Variants in SV2B observed in about 807,000 individuals in gnomAD.
SV2B encodes the protein solute carrier family 22 member B2.
In SV2B, 41 loss-of-function variants were observed where a neutral mutation model predicts 73.9. The ratio of observed to expected loss-of-function variants is 0.56; its 90% CI spans 0.43 to 0.72. The LOEUF is 0.72. Among genes scored for constraint, SV2B ranks in the 30% least tolerant of loss-of-function variants. The probability of loss-of-function intolerance (pLI) is 0.00; values close to 1 mark genes in which losing one functional copy is unlikely to be tolerated. For synonymous variants in SV2B, 314 were observed against 314.2 expected (o/e 1.00, Z 0.01); for missense variants, 764 against 857.8 (o/e 0.89, Z 1.37).
Position 91,236,761 on chromosome 15 carries a change from T to G in SV2B, c.451+10047T>G, listed in dbSNP as rs1049203204. Among the ~76,000 whole-genome samples the G allele has an allele frequency of 2.0e-5, 3 of 152,078 alleles. No individual in the cohort carries two copies. Among genetic ancestry groups the G allele is most frequent in the Non-Finnish European group, 1.5e-5 (1 of 68,026 alleles). On this transcript the variant is annotated intron_variant, in intron 2 of 12. Coordinates refer to ENST00000394232, the MANE Select transcript of SV2B (RefSeq NM_001323032.3). The surrounding 1 kb of genome is among the most constrained non-coding windows in gnomAD (Gnocchi z 4.1). ...GGCAGACACCTGGCCCCTATTCCAC[T>G]TGACATTACCTGGGGCAGCTGGAAG... is the stretch of plus-strand genomic sequence containing the variant.
chr15:91,116,619 T>C (rs953687589), intron 1 of SV2B, among the ~76,000 whole-genome samples: 1 of 152,208 alleles, frequency 6.6e-6, no homozygotes, highest in African/African-American at 2.4e-5. Context: ...GAAGCCTGTC[T>C]TATCCTCTTT....
chr15:91,276,734 G>T (rs1471901696), intron 9 of SV2B, among the ~76,000 whole-genome samples: 3 of 150,826 alleles, frequency 2.0e-5, no homozygotes, highest in Non-Finnish European at 4.4e-5. Flanking sequence ...TTCCTTTAAG[G>T]CTTTAATATG....
chr15:91,289,484 C>G lies in SV2B; in HGVS notation c.1709-37C>G. On this transcript the variant is annotated intron_variant, in intron 11 of 12. Transcript: ENST00000394232. This position sits in a 1 kb window ranked among gnomAD's most constrained non-coding sequence, Gnocchi z 4.9. ...GTGACAGCCATGTGCAAGACACAGGCCTCATGTTTCTTTTTGCCCTTGAAC... is the reference window on the plus strand; with the variant it reads ...GTGACAGCCATGTGCAAGACACAGGGCTCATGTTTCTTTTTGCCCTTGAAC... The G allele has an allele frequency of 6.2e-7, 1 of 1,613,490 alleles. No homozygotes were observed. The highest frequency in any genetic ancestry group is 8.5e-7 in the Non-Finnish European group (1 of 1,179,600).
At chr15:91,187,542 T>C (rs914451384) in intron 1 of SV2B, among the ~76,000 whole-genome samples, 1 of 152,216 alleles carries the variant, frequency 6.6e-6, no homozygotes, top group African/African-American at 2.4e-5. Flanking sequence ...TAATGCAACA[T>C]TTTAAAGTAC....
At chr15:91,144,508 A>G (rs985104625) in intron 1 of SV2B, among the ~76,000 whole-genome samples, 1 of 152,186 alleles carries the variant, frequency 6.6e-6, no homozygotes, top group Non-Finnish European at 1.5e-5. Flanking sequence ...GGAAAATGAC[A>G]TGCAATTTTT....
At position 91,226,109 on chromosome 15, in the gene SV2B, G is replaced by T; in HGVS notation, c.-155G>T. 1 of 702,130 alleles carries T rather than the reference G, an allele frequency of 1.4e-6. No homozygotes were observed. The highest frequency in any genetic ancestry group is 2.8e-5 in the East Asian group (1 of 36,166). 43.5% of individuals were successfully genotyped at this position (702,130 alleles called of 1,614,324 possible). On this transcript the variant is annotated 5_prime_UTR_variant, in exon 2 of 13. Transcript: ENST00000394232. ...TCTGGTTGATTTGAGAGATAAAGGG[G>T]GGGGGAACCAGTGTGACTTTCACCT...
intron 1 of SV2B, among the ~76,000 whole-genome samples, chr15:91,149,771 T>C (rs1218252940): frequency 3.3e-5 from 5 of 152,182 alleles, no homozygotes; most frequent in Non-Finnish European, 7.4e-5. Flanking sequence ...AACATCAGCA[T>C]AGAACCCAGG....
intron 2 of SV2B, among the ~76,000 whole-genome samples, chr15:91,246,548 C>G (rs939615996): frequency 2.6e-5 from 4 of 152,176 alleles, no homozygotes; most frequent in African/African-American, 9.7e-5. Context: ...AGTCATGGAG[C>G]CAGGACCATG....
chr15:91,287,323 A>G (rs1174287347), intron 11 of SV2B, among the ~76,000 whole-genome samples: 1 of 152,132 alleles, frequency 6.6e-6, no homozygotes, highest in African/African-American at 2.4e-5. Flanking sequence ...TGACAACTGG[A>G]AAACCTTCCT....
At chr15:91,216,780 T>A (rs916881030) in intron 1 of SV2B, among the ~76,000 whole-genome samples, 3 of 151,668 alleles carry the variant, frequency 2.0e-5, no homozygotes, top group Non-Finnish European at 4.4e-5. Flanking sequence ...TTTTTTTTTT[T>A]AACAAAAGTA....
rs2046626968 is a variant in SV2B at position 91,232,747 on chromosome 15, AG to A, written c.451+6034del. On this transcript the variant is annotated intron_variant, in intron 2 of 12. Transcript: ENST00000394232. The surrounding 1 kb of genome is among the most constrained non-coding windows in gnomAD (Gnocchi z 4.7). The stretch of plus-strand genomic sequence containing the variant: ...TAATTTCAACTTCTATTTTAGATTC[AG>A]TGGGTACATGTGCAGGTTTGTTACA... Among the ~76,000 whole-genome samples the A allele has an allele frequency of 6.6e-6, 1 of 152,192 alleles. No individual in the cohort carries two copies. The highest frequency in any genetic ancestry group is 2.4e-5 in the African/African-American group (1 of 41,456).
intron 9 of SV2B, among the ~76,000 whole-genome samples, chr15:91,275,804 T>C (rs2048465942): frequency 1.3e-5 from 2 of 152,280 alleles, no homozygotes; most frequent in South Asian, 4.1e-4. Flanking sequence ...CCAGCCTGGG[T>C]GACAGAGTGA....
In SV2B at chr15:91,297,149, C is replaced by T. The variant is rs1011868607; in HGVS notation, c.*4597C>T. 1 of 154,114 alleles carries T rather than the reference C, an allele frequency of 6.5e-6. No homozygotes were observed. Among genetic ancestry groups the T allele is most frequent in the East Asian group, 1.9e-4 (1 of 5,196 alleles). 9.5% of individuals were successfully genotyped at this position (154,114 alleles called of 1,614,324 possible). ...ATTGTTGGAAGCACGCTCCTTCTGC[C>T]TTCAGACTCCTTGATTTTTAGTGCA... On this transcript the variant is annotated 3_prime_UTR_variant, in exon 13 of 13. Coordinates refer to ENST00000394232, the MANE Select transcript of SV2B (RefSeq NM_001323032.3). This position sits in a 1 kb window ranked among gnomAD's most constrained non-coding sequence, Gnocchi z 5.1.
intron 1 of SV2B, among the ~76,000 whole-genome samples, chr15:91,119,574 T>G (rs1008354444): frequency 9.2e-5 from 14 of 152,242 alleles, no homozygotes; most frequent in Non-Finnish European, 1.6e-4. Context: ...GCCTATTAAC[T>G]TTTTCTTTCT....
chr15:91,193,026 C>T (rs889034561), intron 1 of SV2B, among the ~76,000 whole-genome samples: 38 of 152,240 alleles, frequency 2.5e-4, no homozygotes, highest in African/African-American at 9.2e-4. Flanking sequence ...ACAAATCTAT[C>T]TACTCATTTG....
rs115961180 is a variant in SV2B, at chr15:91,280,335, A to G, written c.1374-1393A>G. On this transcript the variant is annotated intron_variant, in intron 9 of 12. Coordinates refer to ENST00000394232, the MANE Select transcript of SV2B (RefSeq NM_001323032.3). The surrounding 1 kb of genome is among the most constrained non-coding windows in gnomAD (Gnocchi z 5.8). ...ACAATGGCCATCAGCACCCTGTGCT[A>G]TCTCTGTCATGCCGATTTCCACTGT... 0.035 allele frequency among the ~76,000 whole-genome samples: 5,379 copies of G among 152,274 alleles called. 325 individuals carry two copies. Among genetic ancestry groups the G allele is most frequent in the African/African-American group, 0.12 (5,111 of 41,548 alleles).
intron 9 of SV2B, among the ~76,000 whole-genome samples, chr15:91,270,784 A>AT (rs1310039536): frequency 7.2e-6 from 1 of 139,678 alleles, no homozygotes; most frequent in Non-Finnish European, 1.5e-5. Flanking sequence ...CCTGTGGATG[A>AT]TGGGGGGATG....
Position 91,283,393 on chromosome 15 carries a change from G to A in SV2B, c.1508-628G>A, listed in dbSNP as rs2141768266. On this transcript the variant is annotated intron_variant, in intron 10 of 12. Transcript: ENST00000394232. The surrounding 1 kb of genome is among the most constrained non-coding windows in gnomAD (Gnocchi z 4.3). The stretch of plus-strand genomic sequence containing the variant: ...CTGCCGTGGCCCTCAGTGTCTCAGT[G>A]TCACCTGATTGGTACAAACAGGACT... 1.3e-5 allele frequency among the ~76,000 whole-genome samples: 2 copies of A among 152,148 alleles called. No individual in the cohort carries two copies. The highest frequency in any genetic ancestry group is 3.4e-3 in the Middle Eastern group (1 of 292).
intron 2 of SV2B, among the ~76,000 whole-genome samples, chr15:91,244,697 T>C (rs1331776962): frequency 6.6e-6 from 1 of 152,214 alleles, no homozygotes; most frequent in Non-Finnish European, 1.5e-5. Flanking sequence ...TTATCACATT[T>C]ACCACTTTGA....
Sources: gnomAD v4.1 joint callset for allele counts (sites outside exome capture counted in the v4.1 genomes callset) on GRCh38, gnomAD v4.1.1 for gene constraint, Gnocchi (gnomAD v3.1) non-coding constraint, MANE v1.5 for transcripts, NCBI Gene and HGNC (gene_info 2026-07-23, HGNC 2026-07-21) for gene names.